The following PRICKLE1 variants were observed in gnomAD, a reference collection of about 807,000 sequenced individuals.
The protein encoded by PRICKLE1 is prickle planar cell polarity protein 1, also known as prickle-like protein 1.
In PRICKLE1, 14 loss-of-function variants were observed where a neutral mutation model predicts 70.2. That is an observed-to-expected ratio of 0.20 (90% CI 0.13 to 0.31). PRICKLE1 has a LOEUF of 0.31. Among genes scored for constraint, PRICKLE1 ranks in the 10% least tolerant of loss-of-function variants. The pLI, the probability that PRICKLE1 is intolerant of heterozygous loss-of-function variation, is 1.00. For missense variants in PRICKLE1, 821 were observed against 1,026.2 expected (o/e 0.80, Z 2.73); for synonymous variants, 357 against 379.9 (o/e 0.94, Z 0.70).
intron 1 of PRICKLE1, among the ~76,000 whole-genome samples, chr12:42,566,090 A>G (rs1476717918): frequency 2.6e-5 from 4 of 152,132 alleles, no homozygotes; most frequent in African/African-American, 7.2e-5. Flanking sequence ...GAGGGCTCTT[A>G]GTAGAAGCAC....
intron 1 of PRICKLE1, among the ~76,000 whole-genome samples, chr12:42,575,341 A>G (rs569946857): frequency 6.6e-6 from 1 of 152,284 alleles, no homozygotes; most frequent in South Asian, 2.1e-4. Context: ...ATTTAAACTG[A>G]TTTACAAAGG....
intron 1 of PRICKLE1, among the ~76,000 whole-genome samples, chr12:42,528,688 T>C (rs868364515): frequency 4.6e-5 from 7 of 152,202 alleles, no homozygotes; most frequent in Non-Finnish European, 8.8e-5. Flanking sequence ...CAGAAGTTGA[T>C]GTAATTAGAA....
rs79373805 is a variant in PRICKLE1 at position 42,582,171 on chromosome 12, T to C, written c.-49+7294A>G. Among the ~76,000 whole-genome samples, 17 of 152,368 alleles carry C rather than the reference T, an allele frequency of 1.1e-4. No homozygotes were observed. In the East Asian group the frequency reaches 3.3e-3, roughly 29 times the overall value. Reference sequence around the variant, plus strand: ...ATAGAAGGCCCACAAAGGGAACTTGTATGATTAAGTTAGTTAAACACAAAC... The same window carrying C: ...ATAGAAGGCCCACAAAGGGAACTTGCATGATTAAGTTAGTTAAACACAAAC... On this transcript the variant is annotated intron_variant, in intron 1 of 7. Transcript: ENST00000345127.
chr12:42,472,186 AC>A (rs1938349546), intron 2 of PRICKLE1, among the ~76,000 whole-genome samples, 198 bp downstream of exon 2: 1 of 152,202 alleles, frequency 6.6e-6, no homozygotes, highest in African/African-American at 2.4e-5. Flanking sequence ...CATGGGTACG[AC>A]GAGATTGGAA....
chr12:42,573,115 C>A (rs954434072), intron 1 of PRICKLE1, among the ~76,000 whole-genome samples: 6 of 152,170 alleles, frequency 3.9e-5, no homozygotes, highest in African/African-American at 1.4e-4. Flanking sequence ...GCTAATCAGA[C>A]TGTACTCACT....
chr12:42,518,202 C>T (rs141491930), intron 1 of PRICKLE1, among the ~76,000 whole-genome samples: 349 of 152,024 alleles, frequency 2.3e-3, no homozygotes, highest in African/African-American at 8.2e-3. Flanking sequence ...CACCACCATC[C>T]CCAGCTGATT....
In PRICKLE1 at chr12:42,460,194, T is replaced by A. The variant is rs752387857; in HGVS notation, c.2111A>T (p.Tyr704Phe). Residue 704 changes from tyrosine (Y) to phenylalanine (F), a missense_variant, in exon 8 of 8, where the codon TAC (tyrosine) becomes TTC (phenylalanine). Physicochemically the swap from Tyr to Phe is conservative, Grantham distance 22 (BLOSUM62 3). Coordinates refer to ENST00000345127, the MANE Select transcript of PRICKLE1 (RefSeq NM_153026.3). The stretch of plus-strand genomic sequence containing the variant: ...AAATTTCTCATAGTTATCGGGGGTG[T>A]ACAGCCGCAGTCTGTCCTTGGGAGA... ...KYSPKDRLRL[Y>F]TPDNYEKFIQ... The A allele has an allele frequency of 9.9e-6, 16 of 1,614,128 alleles. No individual in the cohort carries two copies. The South Asian group carries it at 1.2e-4, about 12-fold the overall frequency.
chr12:42,470,939 G>C lies in PRICKLE1; in HGVS notation c.133-580C>G, dbSNP rs574825714. 2.2e-3 allele frequency among the ~76,000 whole-genome samples: 335 copies of C among 151,606 alleles called. 1 individual carries two copies. The highest frequency in any genetic ancestry group is 5.7e-3 in the Admixed American group (87 of 15,218). On this transcript the variant is annotated intron_variant, in intron 2 of 7. Transcript: ENST00000345127. ...AAAAAAGACTACTCCTCCTCAGCCA[G>C]TCTTCCAAGGGGTCAGACAAGAGAT...
At chr12:42,527,412 C>T (rs1252457322) in intron 1 of PRICKLE1, among the ~76,000 whole-genome samples, 2 of 152,152 alleles carry the variant, frequency 1.3e-5, no homozygotes, top group East Asian at 1.9e-4. Context: ...GGATTACAGG[C>T]ATGAGCTACC....
At chr12:42,470,724 G>T (rs1390915883) in intron 2 of PRICKLE1, among the ~76,000 whole-genome samples, 1 of 152,044 alleles carries the variant, frequency 6.6e-6, no homozygotes, top group Non-Finnish European at 1.5e-5. Context: ...TGACCAACAC[G>T]GTGAAACCCT....
rs188646294 is a variant in PRICKLE1 at position 42,511,318 on chromosome 12, C to T, written c.-48-38754G>A. On this transcript the variant is annotated intron_variant, in intron 1 of 7. Coordinates refer to ENST00000345127, the MANE Select transcript of PRICKLE1 (RefSeq NM_153026.3). The stretch of plus-strand genomic sequence containing the variant: ...AGCTTCAGGGGCTGCATCCTTAGCA[C>T]GTAATTAGAGAGAGGGAAAGAAAGA... Among the ~76,000 whole-genome samples the T allele has an allele frequency of 5.9e-5, 9 of 152,174 alleles. No homozygotes were observed. In the East Asian group the frequency reaches 1.2e-3, roughly 20 times the overall value.
intron 1 of PRICKLE1, chr12:42,483,605 C>G (rs1938889389): frequency 6.6e-6 from 1 of 151,982 alleles, no homozygotes; most frequent in South Asian, 2.1e-4. Context: ...GCACCGGGTC[C>G]CCACTACATT....
At chr12:42,460,788 C>G in intron 7 of PRICKLE1, 123 bp from the exon 8 acceptor site, 1 of 1,183,828 alleles carries the variant, frequency 8.4e-7, no homozygotes, top group South Asian at 1.3e-5. Flanking sequence ...TTGATTAAAA[C>G]CCATAGGGAA....
At chr12:42,531,043 CTTTTTTT>C (rs141334021) in intron 1 of PRICKLE1, among the ~76,000 whole-genome samples, 184 of 100,096 alleles carry the variant, frequency 1.8e-3, no homozygotes, top group East Asian at 3.4e-3. Flanking sequence ...ATGTTAAGGG[CTTTTTTT>C]TTTTTTTTTT....
intron 1 of PRICKLE1, among the ~76,000 whole-genome samples, chr12:42,574,115 A>G (rs1483240870): frequency 2.0e-5 from 3 of 152,234 alleles, no homozygotes; most frequent in Non-Finnish European, 4.4e-5. Flanking sequence ...CAGGATGCCC[A>G]GTAAAACCTA....
chr12:42,528,173 C>T (rs1275298540), intron 1 of PRICKLE1, among the ~76,000 whole-genome samples: 9 of 151,870 alleles, frequency 5.9e-5, no homozygotes, highest in African/African-American at 1.9e-4. Flanking sequence ...CTCTGCCTCC[C>T]GGGCTCAACT....
intron 1 of PRICKLE1, among the ~76,000 whole-genome samples, chr12:42,501,660 C>CT (rs1274009349): frequency 2.0e-5 from 3 of 151,778 alleles, no homozygotes; most frequent in Non-Finnish European, 2.9e-5. Flanking sequence ...CATGAAGTGG[C>CT]TTTTTTTTCC....
intron 1 of PRICKLE1, among the ~76,000 whole-genome samples, chr12:42,529,678 T>A (rs1046336874): frequency 1.3e-5 from 2 of 152,098 alleles, no homozygotes; most frequent in Non-Finnish European, 2.9e-5. Flanking sequence ...GCAGATCACT[T>A]GAGACCAGGA....
chr12:42,570,309 C>T lies in PRICKLE1; in HGVS notation c.-49+19156G>A, dbSNP rs180957699. 3.5e-3 allele frequency among the ~76,000 whole-genome samples: 533 copies of T among 152,328 alleles called. 5 individuals are homozygous for T. Among genetic ancestry groups the T allele is most frequent in the African/African-American group, 0.011 (477 of 41,570 alleles). On this transcript the variant is annotated intron_variant, in intron 1 of 7. Transcript: ENST00000345127. ...GTCCTGAAGTATGAAAGCAGCTGAA[C>T]TGGTTTTAGATAAAATTCCATCTGG... is the stretch of plus-strand genomic sequence containing the variant.
Sources: allele counts gnomAD v4.1 joint callset (sites outside exome capture counted in the v4.1 genomes callset), GRCh38; gene constraint gnomAD v4.1.1; transcripts MANE v1.5; gene names NCBI Gene and HGNC (gene_info 2026-07-23, HGNC 2026-07-21).